Variants in ELAVL1 observed in about 807,000 individuals in gnomAD.
ELAVL1 encodes ELAV like RNA binding protein 1.
ELAVL1 carries 1 observed loss-of-function variant against 28.4 expected under a neutral mutation model. The observed-to-expected ratio is 0.04, with a 90% CI of 0.01 to 0.17. The LOEUF (loss-of-function observed/expected upper bound fraction) is 0.17. ELAVL1 is among the 10% of genes least tolerant of loss of function. The probability of loss-of-function intolerance (pLI) is 1.00; values close to 1 mark genes in which losing one functional copy is unlikely to be tolerated. For missense variants in ELAVL1, 157 were observed against 447.2 expected, an observed-to-expected ratio of 0.35 and a Z score of 5.85; for synonymous variants, 174 against 183.5, an observed-to-expected ratio of 0.95 and a Z score of 0.42.
chr19:7,967,376 C>T (rs1412605075), intron 5 of ELAVL1, among the ~76,000 whole-genome samples, 189 bp downstream of exon 5: 1 of 152,198 alleles, frequency 6.6e-6, no homozygotes, highest in African/African-American at 2.4e-5. Context: ...AACGCCCAAT[C>T]GGAAGTAAAC....
intron 1 of ELAVL1, among the ~76,000 whole-genome samples, chr19:8,000,225 TC>T (rs2081063049): frequency 1.3e-5 from 2 of 152,340 alleles, no homozygotes; most frequent in African/African-American, 4.8e-5. Context: ...GTGCCTGGCC[TC>T]TGGGAGAAGT....
intron 1 of ELAVL1, among the ~76,000 whole-genome samples, chr19:8,000,345 G>A (rs780457893): frequency 1.9e-4 from 29 of 152,312 alleles, no homozygotes; most frequent in East Asian, 5.8e-4. Flanking sequence ...ATCATCTAGC[G>A]CATATCCAGG....
chr19:7,992,967 G>A (rs951476464), intron 1 of ELAVL1, among the ~76,000 whole-genome samples: 1 of 152,108 alleles, frequency 6.6e-6, no homozygotes, highest in Admixed American at 6.5e-5. Context: ...TGTAGAGATG[G>A]TATCTTGCCC....
chr19:7,968,347 G>A (rs1985011358), intron 4 of ELAVL1, among the ~76,000 whole-genome samples: 1 of 152,236 alleles, frequency 6.6e-6, no homozygotes, highest in African/African-American at 2.4e-5. Context: ...CATGCCAGGA[G>A]GGAGTAGGGT....
rs577186090 is a variant in ELAVL1, at chr19:7,979,647, G to A, written c.276+1436C>T. Reference sequence around the variant, plus strand: ...CCCTGCTCAGGTGGAATCCCATGGCGCTTGGCTGCCCTCACCAGCCCCCAC... The same window carrying A: ...CCCTGCTCAGGTGGAATCCCATGGCACTTGGCTGCCCTCACCAGCCCCCAC... On this transcript the variant is annotated intron_variant, in intron 3 of 5. Transcript: ENST00000407627. This position sits in a 1 kb window ranked among gnomAD's most constrained non-coding sequence, Gnocchi z 5.4. 3.9e-5 allele frequency among the ~76,000 whole-genome samples: 6 copies of A among 152,200 alleles called. No homozygotes were observed. The highest frequency in any genetic ancestry group is 7.2e-5 in the African/African-American group (3 of 41,446).
At chr19:7,987,145 GAGA>G in intron 2 of ELAVL1, among the ~76,000 whole-genome samples, 7 of 149,548 alleles carry the variant, frequency 4.7e-5, no homozygotes, top group African/African-American at 1.7e-4. Flanking sequence ...AGCAAGTGGG[GAGA>G]GGGGGCAGGC....
chr19:7,965,631 AGTG>A (rs1322349712), intron 5 of ELAVL1, among the ~76,000 whole-genome samples: 4 of 151,832 alleles, frequency 2.6e-5, no homozygotes, highest in Non-Finnish European at 5.9e-5. Flanking sequence ...ACTTTGTCTT[AGTG>A]GTTGCCCTGC....
At chr19:7,973,934 G>A (rs775330929) in intron 3 of ELAVL1, 56 bp from the exon 4 acceptor site, 8 of 1,594,856 alleles carry the variant, frequency 5.0e-6, no homozygotes, top group Non-Finnish European at 6.9e-6. Flanking sequence ...AAAGCATTGA[G>A]GAGGGTGTTG....
chr19:7,971,060 C>T (rs1233791285), intron 4 of ELAVL1, among the ~76,000 whole-genome samples: 1 of 152,200 alleles, frequency 6.6e-6, no homozygotes, highest in East Asian at 1.9e-4. Context: ...GCCTCCCTCA[C>T]TGCTCTGCAA....
At chr19:7,993,613 GC>G (rs1985808288) in intron 1 of ELAVL1, among the ~76,000 whole-genome samples, 1 of 152,126 alleles carries the variant, frequency 6.6e-6, no homozygotes, top group Non-Finnish European at 1.5e-5. Flanking sequence ...TGCCGAGCCC[GC>G]CCTGCTGAAA....
At chr19:7,968,616 C>A (rs572579491) in intron 4 of ELAVL1, among the ~76,000 whole-genome samples, 1 of 152,360 alleles carries the variant, frequency 6.6e-6, no homozygotes, top group African/African-American at 2.4e-5. Context: ...GCCACCTCAA[C>A]TGAGCCACCC....
chr19:8,004,374 A>C (rs2081079704), intron 1 of ELAVL1, among the ~76,000 whole-genome samples: 1 of 152,180 alleles, frequency 6.6e-6, no homozygotes, highest in African/African-American at 2.4e-5. Context: ...TTGGAGGAAG[A>C]GCATTTAGTT....
rs1984730471 is a variant in ELAVL1, at chr19:7,958,934, A to G, written c.*4549T>C. On this transcript the variant is annotated 3_prime_UTR_variant, in exon 6 of 6. Transcript: ENST00000407627. ...CATTGACAAAAAATATTCACACTTCACTAAAATTTTGAAAAATGGTCTTCT... is the reference window on the plus strand; with the variant it reads ...CATTGACAAAAAATATTCACACTTCGCTAAAATTTTGAAAAATGGTCTTCT... 1 of 153,680 alleles carries G rather than the reference A, an allele frequency of 6.5e-6. No individual in the cohort carries two copies. The highest frequency in any genetic ancestry group is 2.4e-5 in the African/African-American group (1 of 41,438). 9.5% of individuals were successfully genotyped at this position (153,680 alleles called of 1,614,324 possible). A position where few individuals can be genotyped will look rare whatever the true frequency, so the allele number is the denominator to read the frequency against.
At chr19:7,993,325 C>T (rs1425233295) in intron 1 of ELAVL1, among the ~76,000 whole-genome samples, 1 of 152,162 alleles carries the variant, frequency 6.6e-6, no homozygotes, top group Non-Finnish European at 1.5e-5. Flanking sequence ...GCTTTCTCCC[C>T]ATGTCCAGAG....
chr19:7,979,295 T>G lies in ELAVL1; in HGVS notation c.276+1788A>C, dbSNP rs1158213935. Among the ~76,000 whole-genome samples, 1 of 152,098 alleles carries G rather than the reference T, an allele frequency of 6.6e-6. No individual in the cohort carries two copies. The highest frequency in any genetic ancestry group is 2.4e-5 in the African/African-American group (1 of 41,414). On this transcript the variant is annotated intron_variant, in intron 3 of 5. Coordinates refer to ENST00000407627, the MANE Select transcript of ELAVL1 (RefSeq NM_001419.3). The surrounding 1 kb of genome is among the most constrained non-coding windows in gnomAD (Gnocchi z 5.4). The stretch of plus-strand genomic sequence containing the variant: ...CAGGCTTCTGCATGCATGGCCGGGA[T>G]GACAGGGAGGGACACCTGCCCAGGC...
rs1318331139 is a variant in ELAVL1 at position 7,981,179 on chromosome 19, G to A, written c.180C>T (p.Ser60=). 3 of 1,614,194 alleles carry A rather than the reference G, an allele frequency of 1.9e-6. No homozygotes were observed. Among genetic ancestry groups the A allele is most frequent in the East Asian group, 2.2e-5 (1 of 44,884 alleles). The change falls in exon 3 of 6, where the codon AGC becomes AGT. Residue 60 remains serine, a synonymous_variant. Coordinates refer to ENST00000407627, the MANE Select transcript of ELAVL1 (RefSeq NM_001419.3). The surrounding 1 kb of genome is among the most constrained non-coding windows in gnomAD (Gnocchi z 4.2). ...KLIRDKVAGH[S]LGYGFVNYVT... is the part of the protein sequence containing the mutation. ...CGTAGTTCACAAAGCCATAGCCCAA[G>A]CTGTGTCCTGTGCAAGAGAACATGA... is the stretch of plus-strand genomic sequence containing the variant.
intron 2 of ELAVL1, among the ~76,000 whole-genome samples, chr19:7,990,387 T>C (rs986036270): frequency 3.4e-5 from 5 of 148,526 alleles, no homozygotes; most frequent in African/African-American, 1.2e-4. Flanking sequence ...CAGGCTAAAG[T>C]GTAGAAGACA....
At chr19:7,997,590 G>A (rs2081053821) in intron 1 of ELAVL1, among the ~76,000 whole-genome samples, 1 of 152,058 alleles carries the variant, frequency 6.6e-6, no homozygotes, top group Admixed American at 6.6e-5. Context: ...AACTTTATCC[G>A]TTTGTCAAAA....
At chr19:7,972,211 C>T (rs910784231) in intron 4 of ELAVL1, among the ~76,000 whole-genome samples, 1 of 152,240 alleles carries the variant, frequency 6.6e-6, no homozygotes, top group Non-Finnish European at 1.5e-5. Context: ...CAGAGCTGAG[C>T]GATCCTAAAT....
Sources: gnomAD v4.1 joint callset for allele counts (sites outside exome capture counted in the v4.1 genomes callset) on GRCh38, gnomAD v4.1.1 for gene constraint, Gnocchi (gnomAD v3.1) non-coding constraint, MANE v1.5 for transcripts, NCBI Gene and HGNC (gene_info 2026-07-23, HGNC 2026-07-21) for gene names.